The following XPNPEP1 variants were observed in gnomAD, a reference collection of about 807,000 sequenced individuals.
XPNPEP1 encodes the protein xaa-Pro aminopeptidase 1.
A neutral mutation model predicts 92.4 loss-of-function variants in XPNPEP1; 39 were observed. That is an observed-to-expected ratio of 0.42 (90% confidence interval 0.33 to 0.55). XPNPEP1 has a LOEUF of 0.55. Ranked by LOEUF, XPNPEP1 falls within the 20% of genes least tolerant of loss-of-function variation. The probability of loss-of-function intolerance (pLI) is 0.08; values close to 1 mark genes in which losing one functional copy is unlikely to be tolerated. For missense variants in XPNPEP1, 654 were observed against 856.1 expected, an observed-to-expected ratio of 0.76 and a Z score of 2.95; for synonymous variants, 307 against 299.4, an observed-to-expected ratio of 1.03 and a Z score of -0.26.
At chr10:109,877,941 C>T in intron 13 of XPNPEP1, 59 bp downstream of exon 13, 1 of 1,614,198 alleles carries the variant, frequency 6.2e-7, no homozygotes, top group Non-Finnish European at 8.5e-7. Context: ...CTTCCAGCCT[C>T]ATTCAACTAG....
intron 9 of XPNPEP1, chr10:109,883,864 C>A: frequency 2.0e-6 from 1 of 511,736 alleles, no homozygotes; most frequent in African/African-American, 2.0e-5. Flanking sequence ...CGTTTCAAAC[C>A]ATTTTGGGGG....
chr10:109,899,977 G>A (rs917292099), intron 3 of XPNPEP1, among the ~76,000 whole-genome samples: 1 of 152,170 alleles, frequency 6.6e-6, no homozygotes, highest in Admixed American at 6.5e-5. Context: ...GAGAACAGAC[G>A]ATTCCTTGCT....
intron 1 of XPNPEP1, among the ~76,000 whole-genome samples, chr10:109,918,276 C>G (rs1445381061): frequency 6.6e-6 from 1 of 151,932 alleles, no homozygotes; most frequent in East Asian, 1.9e-4. Context: ...CAAAAATGAG[C>G]CAGGTTTGGT....
At position 109,867,206 on chromosome 10, in the gene XPNPEP1, T is replaced by A. The variant is rs936881753; in HGVS notation, c.1872+1408A>T. On this transcript the variant is annotated intron_variant, in intron 20 of 20. Transcript: ENST00000502935. This position sits in a 1 kb window ranked among gnomAD's most constrained non-coding sequence, Gnocchi z 4.5. ...ACTGGTTCCTATGGGGCAGAGGGAT[T>A]CTAAGCAGGGTGGGTCCCATGCCCA... 6.6e-6 allele frequency among the ~76,000 whole-genome samples: 1 copy of A among 152,182 alleles called. No homozygotes were observed. The highest frequency in any genetic ancestry group is 2.4e-5 in the African/African-American group (1 of 41,454).
chr10:109,899,721 A>G (rs1451761833), intron 3 of XPNPEP1, among the ~76,000 whole-genome samples: 1 of 152,272 alleles, frequency 6.6e-6, no homozygotes, highest in African/African-American at 2.4e-5. Context: ...AGGAGGAACC[A>G]CAAACAAAGC....
At chr10:109,922,763 A>C (rs1312985512) in intron 1 of XPNPEP1, among the ~76,000 whole-genome samples, 1 of 152,198 alleles carries the variant, frequency 6.6e-6, no homozygotes, top group African/African-American at 2.4e-5. Context: ...GAATAAACTA[A>C]AACATGTTTA....
intron 10 of XPNPEP1, 48 bp downstream of exon 10, chr10:109,882,384 T>C: frequency 1.3e-6 from 2 of 1,587,408 alleles, no homozygotes; most frequent in East Asian, 4.5e-5. Context: ...ATACCAGAAC[T>C]GGGAAGGGGG....
intron 3 of XPNPEP1, among the ~76,000 whole-genome samples, chr10:109,903,967 C>T (rs868340913): frequency 4.2e-4 from 63 of 151,622 alleles, no homozygotes; most frequent in Non-Finnish European, 1.3e-4. Flanking sequence ...ACCACAGCCT[C>T]CCAAGTACTC....
At chr10:109,887,155 A>G (rs992462356) in intron 7 of XPNPEP1, among the ~76,000 whole-genome samples, 2 of 57,566 alleles carry the variant, frequency 3.5e-5, no homozygotes, top group Non-Finnish European at 9.0e-5. Context: ...CTGAACAGCA[A>G]CATTTGCTCT....
intron 2 of XPNPEP1, among the ~76,000 whole-genome samples, 171 bp from the exon 3 acceptor site, chr10:109,907,986 A>G (rs1416982683): frequency 1.3e-5 from 2 of 152,178 alleles, no homozygotes; most frequent in African/African-American, 4.8e-5. Flanking sequence ...CAGAAACACT[A>G]ATGTTCACAG....
chr10:109,884,028 G>T (rs1848251842), intron 9 of XPNPEP1, 39 bp downstream of exon 9: 1 of 1,590,422 alleles, frequency 6.3e-7, no homozygotes, highest in African/African-American at 1.3e-5. Flanking sequence ...GCTCTGAGGA[G>T]CTCTGGAAGG....
In XPNPEP1 at chr10:109,886,270, C is replaced by T; in HGVS notation, c.724G>A (p.Val242Ile). ...MAERNVMWFV[V>I]TALDEIAWLF... ...CACGCAATCTCATCCAAGGCAGTGA[C>T]CACAAACCACATGACGTTCCTCTCA... Residue 242 changes from valine (V) to isoleucine (I), a missense_variant, in exon 8 of 21, where the codon GTC becomes ATC. By Grantham distance (29) the Val-to-Ile change is conservative. Coordinates refer to ENST00000502935, the MANE Select transcript of XPNPEP1 (RefSeq NM_020383.4). 1 of 1,614,192 alleles carries T rather than the reference C, an allele frequency of 6.2e-7. No homozygotes were observed. Among genetic ancestry groups the T allele is most frequent in the Non-Finnish European group, 8.5e-7 (1 of 1,180,030 alleles).
intron 2 of XPNPEP1, 127 bp from the exon 3 acceptor site, chr10:109,907,942 G>C (rs971751350): frequency 7.2e-7 from 1 of 1,395,366 alleles, no homozygotes; most frequent in East Asian, 2.3e-5. Flanking sequence ...TCTTCAAATT[G>C]ATCACTCCAC....
At chr10:109,877,646 A>T (rs1250737338) in intron 14 of XPNPEP1, 144 bp downstream of exon 14, 2 of 1,033,332 alleles carry the variant, frequency 1.9e-6, no homozygotes, top group Non-Finnish European at 2.9e-6. Context: ...AAAATCTTAG[A>T]AGTCTTATTT....
At chr10:109,910,911 C>A (rs541283217) in intron 2 of XPNPEP1, among the ~76,000 whole-genome samples, 1 of 152,378 alleles carries the variant, frequency 6.6e-6, no homozygotes, top group Admixed American at 6.5e-5. Flanking sequence ...TCTTCAACGA[C>A]TGACATCCTG....
At chr10:109,900,726 T>C (rs1849242230) in intron 3 of XPNPEP1, among the ~76,000 whole-genome samples, 3 of 152,074 alleles carry the variant, frequency 2.0e-5, no homozygotes, top group South Asian at 4.1e-4. Context: ...CTCCAACCCA[T>C]ACTAAACACT....
intron 3 of XPNPEP1, among the ~76,000 whole-genome samples, chr10:109,898,874 A>G (rs1415718088): frequency 6.6e-6 from 1 of 152,228 alleles, no homozygotes; most frequent in African/African-American, 2.4e-5. Flanking sequence ...TAAAGCTGAC[A>G]GCTGACTGCC....
intron 2 of XPNPEP1, among the ~76,000 whole-genome samples, chr10:109,912,498 T>A (rs898179643): frequency 6.6e-6 from 1 of 152,170 alleles, no homozygotes; most frequent in Non-Finnish European, 1.5e-5. Flanking sequence ...GGAAAGTGAT[T>A]GAATGAGTGA....
intron 3 of XPNPEP1, among the ~76,000 whole-genome samples, chr10:109,894,315 TG>T (rs1848862213): frequency 6.6e-6 from 1 of 152,034 alleles, no homozygotes; most frequent in Non-Finnish European, 1.5e-5. Flanking sequence ...GAGGACTGCT[TG>T]AGCCCAGGAA....
Sources: allele counts gnomAD v4.1 joint callset (sites outside exome capture counted in the v4.1 genomes callset), GRCh38; gene constraint gnomAD v4.1.1; non-coding constraint Gnocchi (gnomAD v3.1); transcripts MANE v1.5; gene names NCBI Gene and HGNC (gene_info 2026-07-23, HGNC 2026-07-21).